The following HS6ST3 variants were observed in gnomAD, a reference collection of about 807,000 sequenced individuals.
HS6ST3 encodes heparan-sulfate 6-O-sulfotransferase 3.
Under a neutral mutation model 36.7 loss-of-function variants are expected in HS6ST3, and 12 were observed. The observed-to-expected ratio is 0.33, with a 90% CI of 0.21 to 0.53. HS6ST3 has a LOEUF of 0.53. Among genes scored for constraint, HS6ST3 ranks in the 20% least tolerant of loss-of-function variants. The probability of loss-of-function intolerance (pLI) is 0.95; values close to 1 mark genes in which losing one functional copy is unlikely to be tolerated. For missense variants in HS6ST3, 584 were observed against 640.9 expected (o/e 0.91, Z 0.96); for synonymous variants, 240 against 257.5 (o/e 0.93, Z 0.65).
At chr13:96,276,801 A>G (rs2054750657) in intron 1 of HS6ST3, among the ~76,000 whole-genome samples, 1 of 152,170 alleles carries the variant, frequency 6.6e-6, no homozygotes, top group Non-Finnish European at 1.5e-5. Flanking sequence ...AGATGGGTCC[A>G]TGCCCACAGA....
intron 1 of HS6ST3, among the ~76,000 whole-genome samples, chr13:96,379,732 T>TAGATTCTAA (rs2055332039): frequency 6.6e-6 from 1 of 152,200 alleles, no homozygotes; most frequent in Admixed American, 6.5e-5. Flanking sequence ...TTGGGAAGTA[T>TAGATTCTAA]AGTGTGGGCT....
intron 1 of HS6ST3, among the ~76,000 whole-genome samples, chr13:96,532,848 G>T (rs967405460): frequency 3.9e-5 from 6 of 152,258 alleles, no homozygotes; most frequent in African/African-American, 1.4e-4. Flanking sequence ...TAGTACTAGG[G>T]ACCCAATTGT....
intron 1 of HS6ST3, among the ~76,000 whole-genome samples, chr13:96,353,638 G>T (rs540717004): frequency 6.6e-6 from 1 of 151,644 alleles, no homozygotes; most frequent in South Asian, 2.1e-4. Context: ...GACTACATAT[G>T]GAAAATGTAT....
At chr13:96,226,050 T>G (rs925765175) in intron 1 of HS6ST3, among the ~76,000 whole-genome samples, 3 of 152,114 alleles carry the variant, frequency 2.0e-5, no homozygotes, top group Non-Finnish European at 2.9e-5. Flanking sequence ...CAGGTTTCAG[T>G]GAAGACACAA....
chr13:96,523,754 C>T (rs1051552432), intron 1 of HS6ST3, among the ~76,000 whole-genome samples: 1 of 152,116 alleles, frequency 6.6e-6, no homozygotes, highest in East Asian at 1.9e-4. Flanking sequence ...GATAGCCATT[C>T]GTCTAACAGT....
At chr13:96,795,521 C>T (rs993126051) in intron 1 of HS6ST3, among the ~76,000 whole-genome samples, 15 of 152,060 alleles carry the variant, frequency 9.9e-5, no homozygotes, top group African/African-American at 3.6e-4. Context: ...CAACCTCATT[C>T]TCTTAAATGC....
chr13:96,348,376 G>C (rs2055165975), intron 1 of HS6ST3, among the ~76,000 whole-genome samples: 1 of 152,204 alleles, frequency 6.6e-6, no homozygotes, highest in Non-Finnish European at 1.5e-5. Flanking sequence ...ACTGAAAGCT[G>C]TGGGTTGTGT....
Position 96,205,399 on chromosome 13 carries a change from C to A in HS6ST3, c.707+113830C>A, listed in dbSNP as rs533009917. ...TCACAGCTGAATTCTACCAGACGTA[C>A]ACTGAAGACCTGGGACCATTTCTAC... On this transcript the variant is annotated intron_variant, in intron 1 of 1. Coordinates refer to ENST00000376705, the MANE Select transcript of HS6ST3 (RefSeq NM_153456.4). Among the ~76,000 whole-genome samples, 43 of 152,274 alleles carry A rather than the reference C, an allele frequency of 2.8e-4. No homozygotes were observed. The South Asian group carries it at 8.9e-3, about 32-fold the overall frequency.
chr13:96,277,244 A>G (rs1431755953), intron 1 of HS6ST3, among the ~76,000 whole-genome samples: 1 of 152,170 alleles, frequency 6.6e-6, no homozygotes, highest in Non-Finnish European at 1.5e-5. Context: ...CTTGAATAGC[A>G]CAGTCTTCAT....
intron 1 of HS6ST3, among the ~76,000 whole-genome samples, chr13:96,210,495 G>GAAC (rs1215213144): frequency 1.3e-5 from 2 of 152,048 alleles, no homozygotes; most frequent in Non-Finnish European, 2.9e-5. Context: ...AATTAAAGGA[G>GAAC]AACAAATGTT....
rs567921449 is a variant in HS6ST3, at chr13:96,197,693, A to C, written c.707+106124A>C. Among the ~76,000 whole-genome samples the C allele has an allele frequency of 3.3e-5, 5 of 152,274 alleles. No individual in the cohort carries two copies. The South Asian group carries it at 8.3e-4, about 25-fold the overall frequency. ...GGTGTTAGGTAAATACAGCCTTCCAAATGGGAGAAATTGGCCAAAACAAAG... is the reference window on the plus strand; with the variant it reads ...GGTGTTAGGTAAATACAGCCTTCCACATGGGAGAAATTGGCCAAAACAAAG... On this transcript the variant is annotated intron_variant, in intron 1 of 1. Coordinates refer to ENST00000376705, the MANE Select transcript of HS6ST3 (RefSeq NM_153456.4).
chr13:96,446,291 AT>A lies in HS6ST3; in HGVS notation c.707+354731del, dbSNP rs199532608. Among the ~76,000 whole-genome samples the A allele has an allele frequency of 7.4e-3, 1,128 of 151,512 alleles. 11 individuals carry two copies. Among genetic ancestry groups the A allele is most frequent in the Middle Eastern group, 0.01 (3 of 292 alleles). ...AAAGTTGAGTTCCAAAGTAAGTTAC[AT>A]TTTTTTTTCAGACATATTTGTTTAG... On this transcript the variant is annotated intron_variant, in intron 1 of 1. Transcript: ENST00000376705.
chr13:96,293,348 G>T (rs551423846), intron 1 of HS6ST3, among the ~76,000 whole-genome samples: 2 of 152,026 alleles, frequency 1.3e-5, no homozygotes, highest in Non-Finnish European at 2.9e-5. Context: ...CACTTAGTTT[G>T]ATATATCCAA....
chr13:96,724,542 A>G (rs1051011257), intron 1 of HS6ST3, among the ~76,000 whole-genome samples: 2 of 152,094 alleles, frequency 1.3e-5, no homozygotes, highest in African/African-American at 4.8e-5. Flanking sequence ...TCCCATCCCT[A>G]TCTAGCAAAC....
intron 1 of HS6ST3, among the ~76,000 whole-genome samples, chr13:96,497,868 C>G (rs929921297): frequency 2.6e-5 from 4 of 152,148 alleles, no homozygotes; most frequent in Non-Finnish European, 4.4e-5. Context: ...AAAACTTCCC[C>G]TTTGTCCTCT....
At chr13:96,403,048 T>TC (rs1189350227) in intron 1 of HS6ST3, among the ~76,000 whole-genome samples, 2 of 152,136 alleles carry the variant, frequency 1.3e-5, no homozygotes, top group Non-Finnish European at 2.9e-5. Context: ...TGTTTCATGT[T>TC]CCCCCTGATC....
At chr13:96,357,317 C>A (rs2055215020) in intron 1 of HS6ST3, among the ~76,000 whole-genome samples, 2 of 152,218 alleles carry the variant, frequency 1.3e-5, no homozygotes, top group Admixed American at 6.5e-5. Flanking sequence ...AGAGGCCTAG[C>A]TTTCTGCCTA....
At chr13:96,625,200 T>C (rs1445863739) in intron 1 of HS6ST3, among the ~76,000 whole-genome samples, 1 of 152,212 alleles carries the variant, frequency 6.6e-6, no homozygotes, top group Non-Finnish European at 1.5e-5. Context: ...GGTGTTGCCA[T>C]GGCATTTGTC....
chr13:96,367,481 T>C (rs944333337), intron 1 of HS6ST3, among the ~76,000 whole-genome samples: 1 of 152,200 alleles, frequency 6.6e-6, no homozygotes, highest in East Asian at 1.9e-4. Context: ...CCTCAAATCA[T>C]AGCTGTTGAC....
Sources: allele counts gnomAD v4.1 joint callset (sites outside exome capture counted in the v4.1 genomes callset), GRCh38; gene constraint gnomAD v4.1.1; transcripts MANE v1.5; gene names NCBI Gene and HGNC (gene_info 2026-07-23, HGNC 2026-07-21).